The following DYNC1H1 variants were observed in gnomAD, a reference collection of about 807,000 sequenced individuals.
DYNC1H1 encodes cytoplasmic dynein 1 heavy chain 1.
In DYNC1H1, 51 loss-of-function variants were observed where a neutral mutation model predicts 527.1. That is an observed-to-expected ratio of 0.10 (90% confidence interval 0.08 to 0.12). The LOEUF (loss-of-function observed/expected upper bound fraction) is 0.12, where lower values mean the gene tolerates loss of function less well. Among genes scored for constraint, DYNC1H1 ranks in the 10% least tolerant of loss-of-function variants. The pLI is 1.00. For missense variants in DYNC1H1, 2,771 were observed against 5,971.8 expected (o/e 0.46, Z 17.66); for synonymous variants, 2,189 against 2,278.8 (o/e 0.96, Z 1.12).
In DYNC1H1 at chr14:102,011,167, T is replaced by C. The variant is rs1453814375; in HGVS notation, c.6618+215T>C. 1 of 605,222 alleles carries C rather than the reference T, an allele frequency of 1.7e-6. No individual in the cohort carries two copies. The highest frequency in any genetic ancestry group is 2.9e-6 in the Non-Finnish European group (1 of 339,068). The allele number at this position is 605,222 out of a possible 1,614,324, so 37.5% of individuals were successfully genotyped here. A position where few individuals can be genotyped will look rare whatever the true frequency, so the allele number is the denominator to read the frequency against. ...TACTTAACCTGAAAATTTTACATGA[T>C]ACAGTTCAATTTCTGAAAATGCTAA... On this transcript the variant is annotated intron_variant, in intron 32 of 77. Transcript: ENST00000360184. This position sits in a 1 kb window ranked among gnomAD's most constrained non-coding sequence, Gnocchi z 5.3.
At chr14:102,008,473 A>G in intron 29 of DYNC1H1, 136 bp downstream of exon 29, 1 of 1,257,826 alleles carries the variant, frequency 8.0e-7, no homozygotes, top group South Asian at 1.3e-5. Flanking sequence ...CAGTGTAGTG[A>G]GCTGTGGTTA....
intron 9 of DYNC1H1, among the ~76,000 whole-genome samples, chr14:101,988,055 T>TGACACTAGA (rs1321693510): frequency 1.1e-4 from 17 of 151,876 alleles, no homozygotes; most frequent in African/African-American, 4.1e-4. Context: ...TCTAGCAGAG[T>TGACACTAGA]GAGACCCTGT....
chr14:102,025,173 G>A (rs189211267), intron 43 of DYNC1H1, among the ~76,000 whole-genome samples: 2 of 151,876 alleles, frequency 1.3e-5, no homozygotes, highest in Admixed American at 6.5e-5. Context: ...CCGTCTCGCC[G>A]AGGCAGGTGG....
Position 102,010,688 on chromosome 14 carries a change from G to C in DYNC1H1, c.6406-52G>C. ...TCACGCACCTCCTGGGGATGCAGCG[G>C]GCAGTACTTGAGCCATGCTGCGCTG... On this transcript the variant is annotated intron_variant, in intron 31 of 77. Transcript: ENST00000360184. The surrounding 1 kb of genome is among the most constrained non-coding windows in gnomAD (Gnocchi z 6.0). 1 of 1,605,084 alleles carries C rather than the reference G, an allele frequency of 6.2e-7. No homozygotes were observed. The highest frequency in any genetic ancestry group is 2.2e-5 in the East Asian group (1 of 44,836).
intron 1 of DYNC1H1, among the ~76,000 whole-genome samples, chr14:101,974,240 C>A (rs2047774984): frequency 6.6e-6 from 1 of 152,212 alleles, no homozygotes; most frequent in South Asian, 2.1e-4. Flanking sequence ...GCTGGAATTA[C>A]AGGCATGCGC....
chr14:102,000,865 G>A (rs927101129), intron 18 of DYNC1H1, 89 bp from the exon 19 acceptor site: 171 of 1,239,524 alleles, frequency 1.4e-4, no homozygotes, highest in Non-Finnish European at 1.9e-4. Flanking sequence ...GAGCCACCGC[G>A]CCTGGCCTGA....
At chr14:102,025,883 C>T (rs929724631) in intron 43 of DYNC1H1, among the ~76,000 whole-genome samples, 2 of 151,752 alleles carry the variant, frequency 1.3e-5, no homozygotes, top group East Asian at 1.9e-4. Context: ...TTTGGGAGGC[C>T]GAGACCGGCA....
At chr14:102,021,645 TTTTTC>T (rs1412040362) in intron 42 of DYNC1H1, among the ~76,000 whole-genome samples, 3 of 146,770 alleles carry the variant, frequency 2.0e-5, no homozygotes, top group African/African-American at 5.1e-5. Flanking sequence ...TCCCATTTCT[TTTTTC>T]TTTTTCTTTT....
chr14:102,023,099 C>T (rs1954662253), intron 43 of DYNC1H1: 2 of 676,848 alleles, frequency 3.0e-6, no homozygotes, highest in South Asian at 3.4e-5. Flanking sequence ...TCCACCTCTA[C>T]AAAAAAATTT....
In DYNC1H1 at chr14:102,033,680, T is replaced by A. The variant is rs1434570784; in HGVS notation, c.10413+196T>A. 126 of 761,768 alleles carry A rather than the reference T, an allele frequency of 1.7e-4. No homozygotes were observed. Among genetic ancestry groups the A allele is most frequent in the Non-Finnish European group, 9.9e-5 (46 of 462,766 alleles). The allele number at this position is 761,768 out of a possible 1,614,324, so 47.2% of individuals were successfully genotyped here. ...AGTGTTGTTAATTAGGATAGATTGA[T>A]ACAAACTGGACACTTTTCAGCCGTT... On this transcript the variant is annotated intron_variant, in intron 54 of 77. Coordinates refer to ENST00000360184, the MANE Select transcript of DYNC1H1 (RefSeq NM_001376.5). This position sits in a 1 kb window ranked among gnomAD's most constrained non-coding sequence, Gnocchi z 5.6.
chr14:102,006,061 C>T lies in DYNC1H1; in HGVS notation c.5607C>T (p.Gly1869=). The change falls in exon 27 of 78, where the codon GGC becomes GGT. Residue 1869 remains glycine (G), a synonymous_variant. Transcript: ENST00000360184. ...IQMANAKFNY[G]FEYLGVQDKL... is the part of the protein sequence containing the mutation. ...TGGCAAATGCCAAATTTAACTATGG[C>T]TTTGAGTACCTGGGTGTTCAGGACA... The T allele has an allele frequency of 6.2e-7, 1 of 1,614,244 alleles. No homozygotes were observed.
Position 102,053,440 on chromosome 14 carries a change from TTTTTTGTTTG to T in DYNC1H1, c.*2887_*2896del, listed in dbSNP as rs931338468. On this transcript the variant is annotated 3_prime_UTR_variant, in exon 78 of 78. Transcript: ENST00000360184. ...CCACGCCTGGCCGAATTTTTATTTG[TTTTTTGTTTG>T]TTTTTGTTTTTTTTAAAAAACTGAG... 6.6e-6 allele frequency: 1 copy of T among 151,340 alleles called. No individual in the cohort carries two copies. Among genetic ancestry groups the T allele is most frequent in the African/African-American group, 2.4e-5 (1 of 41,042 alleles). The allele number at this position is 151,340 out of a possible 1,614,324, so 9.4% of individuals were successfully genotyped here.
chr14:101,970,405 G>T (rs1323327370), intron 1 of DYNC1H1, among the ~76,000 whole-genome samples: 1 of 151,188 alleles, frequency 6.6e-6, no homozygotes, highest in Admixed American at 6.6e-5. Context: ...AAAAAGGGAG[G>T]CCGTGTATAA....
intron 51 of DYNC1H1, among the ~76,000 whole-genome samples, chr14:102,032,020 A>AAAT (rs770772279): frequency 1.3e-5 from 2 of 152,216 alleles, no homozygotes; most frequent in Non-Finnish European, 2.9e-5. Flanking sequence ...GAGACATTTT[A>AAAT]AAGGTAATAT....
chr14:102,047,754 C>A (rs1595635984), intron 72 of DYNC1H1, 63 bp from the exon 73 acceptor site: 1 of 1,601,168 alleles, frequency 6.2e-7, no homozygotes, highest in East Asian at 2.2e-5. Context: ...GTCCCTTTTC[C>A]CTCTGTGATT....
In DYNC1H1 at chr14:102,043,866, C is replaced by A. The variant is rs74874468; in HGVS notation, c.12514-9C>A. 4.3e-4 allele frequency: 689 copies of A among 1,614,190 alleles called. 7 individuals are homozygous for A. The East Asian group carries it at 0.013, about 32-fold the overall frequency. On this transcript the variant is annotated splice_polypyrimidine_tract_variant and intron_variant, in intron 69 of 77. Coordinates refer to ENST00000360184, the MANE Select transcript of DYNC1H1 (RefSeq NM_001376.5). The stretch of plus-strand genomic sequence containing the variant: ...TAATGACTCTGTGCTTGGTCACTTT[C>A]CTCACCAGTCTCCCAACGAGCGTGC...
Position 101,983,110 on chromosome 14 carries a change from C to T in DYNC1H1, c.1053C>T (p.Asp351=). Residue 351 remains aspartate, a synonymous_variant, in exon 6 of 78, where the codon GAC becomes GAT. Transcript: ENST00000360184. The surrounding 1 kb of genome is among the most constrained non-coding windows in gnomAD (Gnocchi z 5.3). The part of the protein sequence containing the change: ...LNDLLSATEL[D]KIRQALVAIF... ...ATTTGCTGTCTGCCACGGAGCTGGA[C>T]AAAATAAGACAGGCGCTTGTTGCCA... 1 of 1,614,150 alleles carries T rather than the reference C, an allele frequency of 6.2e-7. No homozygotes were observed. The highest frequency in any genetic ancestry group is 8.5e-7 in the Non-Finnish European group (1 of 1,180,030).
Position 101,986,401 on chromosome 14 carries a change from C to T in DYNC1H1, c.2176C>T (p.Arg726Trp), listed in dbSNP as rs767021083. Residue 726 changes from arginine (R) to tryptophan (W), a missense_variant, in exon 8 of 78, where the codon CGG (arginine) becomes TGG (tryptophan). By Grantham distance (101) the Arg-to-Trp change is moderately radical. Transcript: ENST00000360184. This position sits in a 1 kb window ranked among gnomAD's most constrained non-coding sequence, Gnocchi z 8.7. ...RIFTIESTRV[R>W]GRTGNVLKLK... The stretch of plus-strand genomic sequence containing the variant: ...TTTCACCATCGAAAGTACTCGGGTT[C>T]GGGGCCGAACTGGAAATGTGCTTAA... 11 of 1,614,066 alleles carry T rather than the reference C, an allele frequency of 6.8e-6. No individual in the cohort carries two copies. Among genetic ancestry groups the T allele is most frequent in the Admixed American group, 1.7e-5 (1 of 59,980 alleles).
chr14:102,039,161 T>C lies in DYNC1H1; in HGVS notation c.11367T>C (p.Ile3789=). The C allele has an allele frequency of 6.2e-7, 1 of 1,614,138 alleles. No individual in the cohort carries two copies. The highest frequency in any genetic ancestry group is 1.1e-5 in the South Asian group (1 of 91,086). ...EVTRKVEETD[I]VMQEVETVSQ... Reference sequence around the variant, plus strand: ...CCAGGAAAGTTGAGGAGACGGACATTGTCATGCAGGAGGTGGAGACCGTGT... The same window carrying C: ...CCAGGAAAGTTGAGGAGACGGACATCGTCATGCAGGAGGTGGAGACCGTGT... Residue 3789 remains isoleucine (I), a synonymous_variant, in exon 60 of 78, where the codon ATT becomes ATC. Coordinates refer to ENST00000360184, the MANE Select transcript of DYNC1H1 (RefSeq NM_001376.5). This position sits in a 1 kb window ranked among gnomAD's most constrained non-coding sequence, Gnocchi z 7.0.
Sources: allele counts gnomAD v4.1 joint callset (sites outside exome capture counted in the v4.1 genomes callset), GRCh38; gene constraint gnomAD v4.1.1; non-coding constraint Gnocchi (gnomAD v3.1); transcripts MANE v1.5; gene names NCBI Gene and HGNC (gene_info 2026-07-23, HGNC 2026-07-21).